The following PTPRN2 variants were observed in gnomAD, a reference collection of about 807,000 sequenced individuals.
PTPRN2 encodes receptor-type tyrosine-protein phosphatase N2.
In PTPRN2, 74 loss-of-function variants were observed where a neutral mutation model predicts 118.8. The ratio of observed to expected loss-of-function variants is 0.62; its 90% CI spans 0.52 to 0.76. PTPRN2 has a LOEUF of 0.76. Among genes scored for constraint, PTPRN2 ranks in the 30% least tolerant of loss-of-function variants. PTPRN2 has a pLI of 0.00. For missense variants in PTPRN2, 1,481 were observed against 1,394.4 expected (o/e 1.06, Z -0.99); for synonymous variants, 641 against 608.0 (o/e 1.05, Z -0.80).
chr7:158,524,484 CGGAGTCTGCCCTGGAGT>C (rs1563395110), intron 1 of PTPRN2, among the ~76,000 whole-genome samples: 15 of 92,384 alleles, frequency 1.6e-4, no homozygotes, highest in Non-Finnish European at 2.9e-4. Flanking sequence ...TGCCCTGGAG[CGGAGTCTGCCCTGGAGT>C]GGAGTCGTCT....
intron 2 of PTPRN2, among the ~76,000 whole-genome samples, chr7:158,393,278 C>T (rs576046190): frequency 1.3e-5 from 2 of 152,170 alleles, no homozygotes; most frequent in Non-Finnish European, 2.9e-5. Context: ...TCAAATGCTG[C>T]GTGATAAATT....
chr7:157,946,882 G>A (rs1370418788), intron 11 of PTPRN2, among the ~76,000 whole-genome samples: 2 of 152,204 alleles, frequency 1.3e-5, no homozygotes, highest in African/African-American at 2.4e-5. Context: ...CGACACTGCC[G>A]GAGACCCTCT....
intron 14 of PTPRN2, among the ~76,000 whole-genome samples, chr7:157,637,644 A>G (rs533052611): frequency 7.3e-4 from 111 of 152,318 alleles, no homozygotes; most frequent in African/African-American, 2.6e-3. Flanking sequence ...CTCAGAGACC[A>G]GACTCCTTTG....
At chr7:157,799,654 C>T (rs1805102951) in intron 12 of PTPRN2, among the ~76,000 whole-genome samples, 1 of 152,092 alleles carries the variant, frequency 6.6e-6, no homozygotes, top group Admixed American at 6.5e-5. Flanking sequence ...TTCTAAGTCA[C>T]AATTTAAGTC....
At chr7:158,578,713 C>T (rs969546080) in intron 1 of PTPRN2, among the ~76,000 whole-genome samples, 2 of 151,866 alleles carry the variant, frequency 1.3e-5, no homozygotes, top group East Asian at 1.9e-4. Flanking sequence ...CTTCTTTAGG[C>T]ATTCCCAGTG....
intron 3 of PTPRN2, among the ~76,000 whole-genome samples, chr7:158,310,754 G>GGACAGAGC: frequency 6.9e-6 from 1 of 145,852 alleles, no homozygotes; most frequent in Admixed American, 6.8e-5. Context: ...GCCCTGAGCC[G>GGACAGAGC]GACAGAGCGC....
intron 12 of PTPRN2, among the ~76,000 whole-genome samples, chr7:157,824,758 C>A (rs980541153): frequency 6.6e-6 from 1 of 152,170 alleles, no homozygotes; most frequent in African/African-American, 2.4e-5. Context: ...CAGTGACCCC[C>A]AACTAGTGCT....
chr7:157,675,390 C>T (rs905210754), intron 13 of PTPRN2, among the ~76,000 whole-genome samples: 5 of 152,190 alleles, frequency 3.3e-5, no homozygotes, highest in African/African-American at 9.6e-5. Context: ...CCCAGGGCCC[C>T]GGACCACACA....
chr7:157,871,564 C>T (rs971899208), intron 12 of PTPRN2, among the ~76,000 whole-genome samples: 1 of 152,052 alleles, frequency 6.6e-6, no homozygotes, highest in Non-Finnish European at 1.5e-5. Flanking sequence ...ACCCCAGGGC[C>T]CCTGAAGAGC....
In PTPRN2 at chr7:158,133,742, G is replaced by A. The variant is rs975186693; in HGVS notation, c.1491C>T (p.Asp497=). ...LPAGAQEALS[D]GLQLEVQPSE... ...AAGGCTGGACCTCCAATTGCAGGCC[G>A]TCGCTGAGGGCCTCCTGAGCACCCG... Residue 497 remains aspartate (D), a synonymous_variant, in exon 9 of 23, where the codon GAC becomes GAT. Transcript: ENST00000389418. The A allele has an allele frequency of 1.4e-5, 22 of 1,612,560 alleles. No individual in the cohort carries two copies. The highest frequency in any genetic ancestry group is 4.4e-5 in the South Asian group (4 of 91,058).
At chr7:157,548,890 G>C in intron 22 of PTPRN2, 56 bp downstream of exon 22, 1 of 1,528,154 alleles carries the variant, frequency 6.5e-7, no homozygotes, top group Non-Finnish European at 9.1e-7. Flanking sequence ...TCAGGAACAC[G>C]GCCGCAGAGA....
intron 13 of PTPRN2, among the ~76,000 whole-genome samples, chr7:157,672,869 G>A (rs1463259980): frequency 6.6e-6 from 1 of 152,220 alleles, no homozygotes; most frequent in African/African-American, 2.4e-5. Context: ...GTAATCGTCT[G>A]CGAATCTTCC....
intron 12 of PTPRN2, among the ~76,000 whole-genome samples, chr7:157,735,166 G>A (rs931692284): frequency 3.3e-5 from 5 of 152,218 alleles, no homozygotes; most frequent in Admixed American, 6.5e-5. Flanking sequence ...CCCGTGGTTC[G>A]GCCGGCGAAG....
chr7:157,853,754 T>G (rs1222276243), intron 12 of PTPRN2, among the ~76,000 whole-genome samples: 1 of 152,198 alleles, frequency 6.6e-6, no homozygotes, highest in Non-Finnish European at 1.5e-5. Flanking sequence ...TGTTTTGGGA[T>G]GAATTGAGTT....
At position 158,526,636 on chromosome 7, in the gene PTPRN2, G is replaced by C. The variant is rs1824802482; in HGVS notation, c.113-36851C>G. On this transcript the variant is annotated intron_variant, in intron 1 of 22. Coordinates refer to ENST00000389418, the MANE Select transcript of PTPRN2 (RefSeq NM_002847.5). This position sits in a 1 kb window ranked among gnomAD's most constrained non-coding sequence, Gnocchi z 5.2. ...TCAGAATGGGACTGTATTTGGAGAT[G>C]GGTCTTGAAAGAGGTGATTTCAGTA... Among the ~76,000 whole-genome samples, 1 of 152,134 alleles carries C rather than the reference G, an allele frequency of 6.6e-6. No individual in the cohort carries two copies. The highest frequency in any genetic ancestry group is 2.4e-5 in the African/African-American group (1 of 41,406).
At chr7:158,198,165 T>C (rs539891396) in intron 4 of PTPRN2, among the ~76,000 whole-genome samples, 58 of 152,318 alleles carry the variant, frequency 3.8e-4, no homozygotes, top group South Asian at 1.7e-3. Flanking sequence ...ACCTCATAAA[T>C]GTATCTTTAA....
At chr7:158,521,056 G>C (rs1300346860) in intron 1 of PTPRN2, among the ~76,000 whole-genome samples, 4 of 152,238 alleles carry the variant, frequency 2.6e-5, no homozygotes, top group African/African-American at 9.6e-5. Context: ...CTTATTCCAT[G>C]ACTTCCCTCT....
At chr7:158,342,653 C>T (rs1459829887) in intron 2 of PTPRN2, among the ~76,000 whole-genome samples, 1 of 152,178 alleles carries the variant, frequency 6.6e-6, no homozygotes, top group East Asian at 1.9e-4. Context: ...CTCAGTCAGT[C>T]CTTATGATAA....
intron 10 of PTPRN2, among the ~76,000 whole-genome samples, chr7:158,103,510 T>A (rs993178431): frequency 2.0e-5 from 3 of 152,190 alleles, no homozygotes; most frequent in African/African-American, 7.2e-5. Flanking sequence ...CAGGGCCCAC[T>A]CTCTGGGCCC....
Sources: allele counts gnomAD v4.1 joint callset (sites outside exome capture counted in the v4.1 genomes callset), GRCh38; gene constraint gnomAD v4.1.1; non-coding constraint Gnocchi (gnomAD v3.1); transcripts MANE v1.5; gene names NCBI Gene and HGNC (gene_info 2026-07-23, HGNC 2026-07-21).